RPH3A: variants seen among roughly 807,000 people sequenced by gnomAD.
The protein encoded by RPH3A is rabphilin-3A.
In RPH3A, 48 loss-of-function variants were observed where a neutral mutation model predicts 102.2. The observed-to-expected ratio is 0.47, with a 90% CI of 0.37 to 0.60. RPH3A has a LOEUF of 0.60. Ranked by LOEUF, RPH3A falls within the 20% of genes least tolerant of loss-of-function variation. RPH3A has a pLI of 0.00. For missense variants in RPH3A, 781 were observed against 910.1 expected, an observed-to-expected ratio of 0.86 and a Z score of 1.83; for synonymous variants, 310 against 324.3, an observed-to-expected ratio of 0.96 and a Z score of 0.47.
chr12:112,816,093 A>G (rs555004653), intron 2 of RPH3A, among the ~76,000 whole-genome samples: 7 of 152,168 alleles, frequency 4.6e-5, no homozygotes, highest in Admixed American at 6.5e-5. Context: ...AGGAAGGTCA[A>G]TCCTGGATGC....
At chr12:112,670,111 C>T (rs186807651) in intron 1 of RPH3A, among the ~76,000 whole-genome samples, 3 of 152,268 alleles carry the variant, frequency 2.0e-5, no homozygotes, top group Admixed American at 6.5e-5. Flanking sequence ...TAGACATTGC[C>T]AAAAACCTTC....
chr12:112,598,015 A>G (rs1347829159), intron 1 of RPH3A, among the ~76,000 whole-genome samples: 2 of 152,186 alleles, frequency 1.3e-5, no homozygotes, highest in Non-Finnish European at 2.9e-5. Context: ...GGGTTCTCCT[A>G]GAAGCAGACC....
rs376996961 is a variant in RPH3A, at chr12:112,714,688, CAT to C, written c.-139-77453_-139-77452del. On this transcript the variant is annotated intron_variant, in intron 1 of 21. Transcript: ENST00000543106. ...CCTTTAAATTAATTCAGGGCAGACT[CAT>C]AGGTTTTGTCTCATAGGGCACTTGG... 6.6e-4 allele frequency among the ~76,000 whole-genome samples: 101 copies of C among 152,246 alleles called. 1 individual carries two copies. In the East Asian group the frequency reaches 0.015, roughly 22 times the overall value.
At chr12:112,849,649 A>T (rs2042290173) in intron 5 of RPH3A, among the ~76,000 whole-genome samples, 2 of 152,326 alleles carry the variant, frequency 1.3e-5, no homozygotes, top group South Asian at 4.1e-4. Flanking sequence ...TCCTAAGGGT[A>T]GGTATTTTTG....
rs767823982 is a variant in RPH3A, at chr12:112,890,908, C to T, written c.1680C>T (p.Tyr560=). The change falls in exon 19 of 22, where the codon TAC becomes TAT. Residue 560 remains tyrosine (Y), a synonymous_variant. Coordinates refer to ENST00000389385, the MANE Select transcript of RPH3A (RefSeq NM_001143854.2). ...GCAAGATCCTGGTCTCCCTCATGTA[C>T]AGCACACAGCAGGGAGGCCTCATTG... ...ERGKILVSLM[Y]STQQGGLIVG... 13 of 1,614,000 alleles carry T rather than the reference C, an allele frequency of 8.1e-6. No individual in the cohort carries two copies. The South Asian group carries it at 1.3e-4, about 16-fold the overall frequency.
chr12:112,857,692 A>G (rs1006259084), intron 5 of RPH3A, among the ~76,000 whole-genome samples: 4 of 152,154 alleles, frequency 2.6e-5, no homozygotes, highest in Admixed American at 2.6e-4. Flanking sequence ...TAAGCCCCGA[A>G]GTTGTGATAA....
At position 112,847,662 on chromosome 12, in the gene RPH3A, G is replaced by A. The variant is rs745785146; in HGVS notation, c.84-34G>A. ...GCAGGAATTTGAACTACTATTTTCT[G>A]CCCACCCTCACACCTTCCCAAATTT... is the stretch of plus-strand genomic sequence containing the variant. On this transcript the variant is annotated intron_variant, in intron 4 of 21. Coordinates refer to ENST00000389385, the MANE Select transcript of RPH3A (RefSeq NM_001143854.2). 6 of 1,603,978 alleles carry A rather than the reference G, an allele frequency of 3.7e-6. No individual in the cohort carries two copies. In the African/African-American group the frequency reaches 5.4e-5, roughly 14 times the overall value.
chr12:112,595,658 C>A, intron 1 of RPH3A, among the ~76,000 whole-genome samples: 1 of 152,128 alleles, frequency 6.6e-6, no homozygotes. Flanking sequence ...CATTGCCACT[C>A]CCTTTGCTCA....
At chr12:112,861,158 A>G (rs1224671562) in intron 5 of RPH3A, among the ~76,000 whole-genome samples, 1 of 152,210 alleles carries the variant, frequency 6.6e-6, no homozygotes, top group Non-Finnish European at 1.5e-5. Context: ...AACTGGCTCT[A>G]TGAAACCCTC....
At chr12:112,731,790 GT>G (rs1351957501) in intron 1 of RPH3A, among the ~76,000 whole-genome samples, 1 of 152,082 alleles carries the variant, frequency 6.6e-6, no homozygotes, top group African/African-American at 2.4e-5. Flanking sequence ...CAGGTGTTTT[GT>G]TTTTCTTTTT....
intron 2 of RPH3A, among the ~76,000 whole-genome samples, chr12:112,792,759 T>C (rs2041148564): frequency 6.6e-6 from 1 of 152,196 alleles, no homozygotes; most frequent in Non-Finnish European, 1.5e-5. Context: ...TTGTACCCTC[T>C]TCTAGGAACA....
intron 19 of RPH3A, among the ~76,000 whole-genome samples, chr12:112,892,418 G>T (rs540399107): frequency 1.3e-5 from 2 of 152,194 alleles, no homozygotes; most frequent in African/African-American, 2.4e-5. Context: ...AAGGAAGGAA[G>T]TTTGGGTAGA....
chr12:112,715,787 A>G (rs1345378330), intron 1 of RPH3A, among the ~76,000 whole-genome samples: 1 of 152,214 alleles, frequency 6.6e-6, no homozygotes, highest in Non-Finnish European at 1.5e-5. Flanking sequence ...AATTCAGAGT[A>G]AGCCCATACA....
At chr12:112,718,858 G>A (rs768406910) in intron 1 of RPH3A, among the ~76,000 whole-genome samples, 10 of 152,230 alleles carry the variant, frequency 6.6e-5, no homozygotes, top group Non-Finnish European at 1.5e-4. Context: ...ATGGGCACAA[G>A]CCAGCTGATA....
At chr12:112,609,202 G>T (rs937861871) in intron 1 of RPH3A, among the ~76,000 whole-genome samples, 32 of 152,226 alleles carry the variant, frequency 2.1e-4, no homozygotes, top group African/African-American at 7.5e-4. Flanking sequence ...ATCTCAAGTA[G>T]CTGGGATTAC....
chr12:112,886,388 C>T (rs750826275), intron 16 of RPH3A, among the ~76,000 whole-genome samples: 4 of 152,058 alleles, frequency 2.6e-5, no homozygotes, highest in South Asian at 2.1e-4. Flanking sequence ...ACTGTTCCAC[C>T]TTGGATCATC....
At chr12:112,611,277 T>A (rs944518214) in intron 1 of RPH3A, among the ~76,000 whole-genome samples, 12 of 152,244 alleles carry the variant, frequency 7.9e-5, no homozygotes, top group Middle Eastern at 3.2e-3. Flanking sequence ...CACAGCTCCC[T>A]GGTTTTATGA....
intron 1 of RPH3A, among the ~76,000 whole-genome samples, chr12:112,681,707 A>G (rs186709237): frequency 6.6e-6 from 1 of 152,370 alleles, no homozygotes; most frequent in Admixed American, 6.5e-5. Context: ...ATATTTAAGC[A>G]GTTCAGAAAG....
intron 3 of RPH3A, among the ~76,000 whole-genome samples, chr12:112,832,937 CTT>C (rs71086121): frequency 8.7e-4 from 115 of 131,704 alleles, no homozygotes; most frequent in African/African-American, 1.2e-3. Flanking sequence ...TTATTTCACT[CTT>C]TTTTTTTTTT....
Sources: gnomAD v4.1 joint callset for allele counts (sites outside exome capture counted in the v4.1 genomes callset) on GRCh38, gnomAD v4.1.1 for gene constraint, MANE v1.5 for transcripts, NCBI Gene and HGNC (gene_info 2026-07-23, HGNC 2026-07-21) for gene names.